The following HADHB variants were observed in gnomAD, a reference collection of about 807,000 sequenced individuals.
HADHB encodes hydroxyacyl-CoA dehydrogenase trifunctional multienzyme complex subunit beta.
HADHB carries 50 observed loss-of-function variants against 61.9 expected under a neutral mutation model. That is an observed-to-expected ratio of 0.81 (90% confidence interval 0.64 to 1.02). The LOEUF (loss-of-function observed/expected upper bound fraction) is 1.02, where lower values mean the gene tolerates loss of function less well. Among genes scored for constraint, HADHB ranks in the 50% least tolerant of loss-of-function variants. The pLI is 0.00. For synonymous variants in HADHB, 191 were observed against 201.6 expected, an observed-to-expected ratio of 0.95 and a Z score of 0.45; for missense variants, 504 against 586.5, an observed-to-expected ratio of 0.86 and a Z score of 1.45.
At chr2:26,262,032 C>T (rs1293461178) in intron 3 of HADHB, among the ~76,000 whole-genome samples, 1 of 152,138 alleles carries the variant, frequency 6.6e-6, no homozygotes, top group African/African-American at 2.4e-5. Context: ...CTCCTTGTTG[C>T]CTTTATCTCC....
At chr2:26,251,273 G>A (rs975185676) in intron 1 of HADHB, among the ~76,000 whole-genome samples, 5 of 151,628 alleles carry the variant, frequency 3.3e-5, no homozygotes, top group Non-Finnish European at 7.4e-5. Flanking sequence ...CTGCAGCCTC[G>A]AACTCCTGGC....
At chr2:26,260,233 C>T (rs939114004) in intron 3 of HADHB, among the ~76,000 whole-genome samples, 4 of 151,846 alleles carry the variant, frequency 2.6e-5, no homozygotes, top group African/African-American at 9.7e-5. Flanking sequence ...AGGAGCGTAC[C>T]ACCGTGCCCA....
At chr2:26,269,175 G>T (rs1013809449) in intron 4 of HADHB, among the ~76,000 whole-genome samples, 1 of 151,666 alleles carries the variant, frequency 6.6e-6, no homozygotes, top group Non-Finnish European at 1.5e-5. Context: ...ACAGCAGGGG[G>T]AAAGAGGAAC....
rs545131732 is a variant in HADHB at position 26,268,327 on chromosome 2, C to T, written c.210-1626C>T. Reference sequence around the variant, plus strand: ...TACTATGATGATTTCGACATACGTCCGCAAAGTCTGTGTTATTCCTGCCAC... The same window carrying T: ...TACTATGATGATTTCGACATACGTCTGCAAAGTCTGTGTTATTCCTGCCAC... On this transcript the variant is annotated intron_variant, in intron 4 of 15. Transcript: ENST00000317799. 3.9e-5 allele frequency among the ~76,000 whole-genome samples: 6 copies of T among 152,268 alleles called. No homozygotes were observed. The South Asian group carries it at 6.2e-4, about 16-fold the overall frequency.
intron 1 of HADHB, among the ~76,000 whole-genome samples, chr2:26,248,403 C>T (rs1191775709): frequency 3.3e-5 from 5 of 150,282 alleles, no homozygotes; most frequent in Admixed American, 2.6e-4. Context: ...TTTTTTGAGA[C>T]GGAGTCTCGT....
chr2:26,284,425 T>C (rs1672932408), intron 13 of HADHB, among the ~76,000 whole-genome samples: 1 of 151,424 alleles, frequency 6.6e-6, no homozygotes, highest in African/African-American at 2.4e-5. Flanking sequence ...TTTAGGAAAT[T>C]GCCATTGAAA....
intron 8 of HADHB, 78 bp from the exon 9 acceptor site, chr2:26,279,057 A>G (rs1672674054): frequency 1.6e-6 from 2 of 1,217,532 alleles, no homozygotes; most frequent in South Asian, 2.4e-5. Context: ...AACTTTTCCA[A>G]ATAACACAGA....
chr2:26,258,780 A>T (rs1022781485), intron 3 of HADHB, among the ~76,000 whole-genome samples: 7 of 152,220 alleles, frequency 4.6e-5, no homozygotes, highest in African/African-American at 1.7e-4. Context: ...TTATATCCCA[A>T]TCATTGTCGC....
chr2:26,266,862 A>T (rs13032756), intron 4 of HADHB, among the ~76,000 whole-genome samples: 26,697 of 138,160 alleles, frequency 0.19, 2,866 homozygotes, highest in Middle Eastern at 0.24. Flanking sequence ...GGAGTGAGAC[A>T]CTCTCTCTCA....
At chr2:26,270,090 C>T in intron 5 of HADHB, 93 bp downstream of exon 5, 1 of 860,512 alleles carries the variant, frequency 1.2e-6, no homozygotes, top group East Asian at 2.4e-5. Context: ...CTTATTTTAG[C>T]CATCTGTACT....
chr2:26,279,094 G>A (rs539601104), intron 8 of HADHB, 41 bp from the exon 9 acceptor site: 49 of 1,500,268 alleles, frequency 3.3e-5, no homozygotes, highest in Non-Finnish European at 4.1e-5. Context: ...GCATAACACC[G>A]GTTAACAGTG....
chr2:26,277,378 C>T (rs1046788769), intron 7 of HADHB, among the ~76,000 whole-genome samples: 1 of 151,660 alleles, frequency 6.6e-6, no homozygotes, highest in Non-Finnish European at 1.5e-5. Flanking sequence ...GCTGGGTCTA[C>T]AGGTGCTCCA....
intron 4 of HADHB, among the ~76,000 whole-genome samples, chr2:26,264,515 C>G (rs188524877): frequency 1.8e-4 from 24 of 133,556 alleles, no homozygotes; most frequent in African/African-American, 6.6e-4. Context: ...ATGCTACTAC[C>G]TATACTCCAG....
rs72849949 is a variant in HADHB, at chr2:26,252,792, T to C, written c.-8-1455T>C. ...TACAGTAACAATATGGATTATGTCC[T>C]GTGTGTGAGTAATATCCATGAAGTC... On this transcript the variant is annotated intron_variant, in intron 1 of 15. Transcript: ENST00000317799. Among the ~76,000 whole-genome samples the C allele has an allele frequency of 6.3e-3, 958 of 152,344 alleles. 8 individuals carry two copies. Among genetic ancestry groups the C allele is most frequent in the African/African-American group, 0.022 (896 of 41,570 alleles).
At chr2:26,251,597 G>A (rs1671400544) in intron 1 of HADHB, among the ~76,000 whole-genome samples, 1 of 152,116 alleles carries the variant, frequency 6.6e-6, no homozygotes, top group Admixed American at 6.6e-5. Context: ...AAGGGAACTT[G>A]TAGCCCAGAC....
intron 15 of HADHB, among the ~76,000 whole-genome samples, chr2:26,288,140 A>G (rs1673116003): frequency 6.6e-6 from 1 of 151,992 alleles, no homozygotes; most frequent in Non-Finnish European, 1.5e-5. Context: ...GATGGTACGC[A>G]CCTGTGGTCC....
At chr2:26,288,960 T>C (rs1043062803) in intron 15 of HADHB, among the ~76,000 whole-genome samples, 3 of 152,092 alleles carry the variant, frequency 2.0e-5, no homozygotes, top group South Asian at 2.1e-4. Flanking sequence ...ATAAAAGATA[T>C]TCTACTTCTG....
chr2:26,272,727 G>T (rs1300780449), intron 5 of HADHB, among the ~76,000 whole-genome samples: 1 of 152,064 alleles, frequency 6.6e-6, no homozygotes, highest in African/African-American at 2.4e-5. Context: ...ACTTTCTTCT[G>T]GACCTGGTAT....
chr2:26,265,002 A>G (rs373914153), intron 4 of HADHB, among the ~76,000 whole-genome samples: 52 of 150,296 alleles, frequency 3.5e-4, no homozygotes, highest in African/African-American at 7.8e-4. Context: ...AAAAAAAAAA[A>G]AAGAAGAAGA....
Sources: allele counts gnomAD v4.1 joint callset (sites outside exome capture counted in the v4.1 genomes callset), GRCh38; gene constraint gnomAD v4.1.1; transcripts MANE v1.5; gene names NCBI Gene and HGNC (gene_info 2026-07-23, HGNC 2026-07-21).